The following DNAI3 variants were observed in gnomAD, a reference collection of about 807,000 sequenced individuals.
The protein encoded by DNAI3 is dynein axonemal intermediate chain 3, also known as WD repeat domain 63.
Under a neutral mutation model 115.5 loss-of-function variants are expected in DNAI3, and 83 were observed. That is an observed-to-expected ratio of 0.72 (90% CI 0.60 to 0.86). The LOEUF is 0.86. DNAI3 is among the 40% of genes least tolerant of loss of function. The pLI is 0.00. For missense variants in DNAI3, 1,004 were observed against 1,075.8 expected, an observed-to-expected ratio of 0.93 and a Z score of 0.93; for synonymous variants, 320 against 347.0, an observed-to-expected ratio of 0.92 and a Z score of 0.86.
intron 13 of DNAI3, among the ~76,000 whole-genome samples, chr1:85,100,443 G>C (rs550250609): frequency 3.3e-5 from 5 of 152,200 alleles, no homozygotes; most frequent in Non-Finnish European, 5.9e-5. Context: ...ACACCAGTTA[G>C]AATGGCGATC....
intron 22 of DNAI3, among the ~76,000 whole-genome samples, chr1:85,132,071 A>C (rs945196094): frequency 2.6e-5 from 4 of 152,186 alleles, no homozygotes; most frequent in Admixed American, 2.6e-4. Context: ...TACATTGAGA[A>C]CATAAAAAAA....
chr1:85,103,921 TA>T (rs1655405339), intron 13 of DNAI3, among the ~76,000 whole-genome samples: 2 of 147,298 alleles, frequency 1.4e-5, no homozygotes, highest in Non-Finnish European at 3.0e-5. Flanking sequence ...ATAATAATAA[TA>T]ATAATAATAA....
rs939509688 is a variant in DNAI3 at position 85,106,254 on chromosome 1, AATAG to A, written c.1553+1661_1553+1664del. Among the ~76,000 whole-genome samples the A allele has an allele frequency of 5.4e-4, 82 of 152,354 alleles. 1 individual carries two copies. Among genetic ancestry groups the A allele is most frequent in the African/African-American group, 1.8e-3 (75 of 41,586 alleles). The stretch of plus-strand genomic sequence containing the variant: ...AAAAGTGCAAGCAATGAAAGAAAAA[AATAG>A]ATAAATTGGACTTCATCAAAATTAA... On this transcript the variant is annotated intron_variant, in intron 14 of 22. Transcript: ENST00000294664.
intron 1 of DNAI3, among the ~76,000 whole-genome samples, chr1:85,062,768 C>G (rs1157704561): frequency 6.6e-6 from 1 of 151,224 alleles, no homozygotes; most frequent in Non-Finnish European, 1.5e-5. Flanking sequence ...TTGCCTAGTA[C>G]ATAGTAGGAA....
chr1:85,099,097 T>C (rs1427188589), intron 13 of DNAI3, among the ~76,000 whole-genome samples: 1 of 152,208 alleles, frequency 6.6e-6, no homozygotes, highest in Admixed American at 6.5e-5. Context: ...GGGTGAAAAC[T>C]AGTTGTGCAG....
intron 17 of DNAI3, among the ~76,000 whole-genome samples, chr1:85,118,679 G>A (rs960074717): frequency 1.3e-5 from 2 of 152,164 alleles, no homozygotes; most frequent in African/African-American, 4.8e-5. Flanking sequence ...AGCACTGGGT[G>A]CTGGGATCAG....
At chr1:85,126,816 G>A in intron 20 of DNAI3, 101 bp downstream of exon 20, 1 of 1,336,742 alleles carries the variant, frequency 7.5e-7, no homozygotes, top group Non-Finnish European at 1.0e-6. Flanking sequence ...TTAGTTTTTT[G>A]TTTTTCTTCC....
At chr1:85,109,240 T>G (rs1026959917) in intron 15 of DNAI3, among the ~76,000 whole-genome samples, 27 of 152,380 alleles carry the variant, frequency 1.8e-4, no homozygotes, top group African/African-American at 6.5e-4. Flanking sequence ...TTGATGGCTC[T>G]CTTTCTTTAG....
intron 13 of DNAI3, chr1:85,099,174 G>A: frequency 1.1e-6 from 1 of 874,160 alleles, no homozygotes. Context: ...ACACTTACTT[G>A]ACTATAACCT....
chr1:85,115,720 G>A (rs1306005132), intron 16 of DNAI3, among the ~76,000 whole-genome samples: 1 of 152,032 alleles, frequency 6.6e-6, no homozygotes, highest in Non-Finnish European at 1.5e-5. Flanking sequence ...GGGGGCAGGG[G>A]GGCAGGCATT....
intron 7 of DNAI3, among the ~76,000 whole-genome samples, chr1:85,087,285 A>C (rs1293161958): frequency 6.6e-6 from 1 of 151,746 alleles, no homozygotes; most frequent in Non-Finnish European, 1.5e-5. Flanking sequence ...AAAATACGCA[A>C]ATTAGCCAGG....
At chr1:85,064,041 TTTG>T (rs1331113374) in intron 1 of DNAI3, among the ~76,000 whole-genome samples, 1 of 152,202 alleles carries the variant, frequency 6.6e-6, no homozygotes, top group East Asian at 1.9e-4. Context: ...ACAGCTAGAT[TTTG>T]TTATTTAACG....
At chr1:85,097,525 G>C (rs199593067) in intron 11 of DNAI3, 44 bp from the exon 12 acceptor site, 86 of 1,535,588 alleles carry the variant, frequency 5.6e-5, no homozygotes, top group East Asian at 1.9e-4. Context: ...GACTCAATTA[G>C]ATATTTTCTG....
At chr1:85,064,580 ATGTTTGTTTGTT>A (rs369398116) in intron 1 of DNAI3, among the ~76,000 whole-genome samples, 5 of 151,962 alleles carry the variant, frequency 3.3e-5, no homozygotes, top group African/African-American at 7.3e-5. Flanking sequence ...TTCTAAATCA[ATGTTTGTTTGTT>A]TGTTTGTTTG....
Position 85,124,156 on chromosome 1 carries a change from G to A in DNAI3, c.2017G>A (p.Gly673Arg), listed in dbSNP as rs778562079. ...KPVSHHTIHD[G>R]TVHTIQRSPF... ...AGTGAGCCACCACACCATTCACGAC[G>A]GAACTGTCCACACTATTCAGAGATC... The change falls in exon 19 of 23, where the codon GGA becomes AGA. Residue 673 changes from glycine (G) to arginine (R), a missense_variant. This residue lies in a region of DNAI3 where 429 missense variants were observed against 454.3 expected (regional missense o/e 0.94). Coordinates refer to ENST00000294664, the MANE Select transcript of DNAI3 (RefSeq NM_145172.5). 7 of 1,614,116 alleles carry A rather than the reference G, an allele frequency of 4.3e-6. No individual in the cohort carries two copies. Among genetic ancestry groups the A allele is most frequent in the South Asian group, 2.2e-5 (2 of 91,078 alleles).
chr1:85,121,145 C>T (rs1017467001), intron 17 of DNAI3, among the ~76,000 whole-genome samples: 1 of 152,192 alleles, frequency 6.6e-6, no homozygotes, highest in Non-Finnish European at 1.5e-5. Context: ...TGTAATTCAT[C>T]GGTTCTCTCT....
chr1:85,103,374 A>T (rs991188752), intron 13 of DNAI3, among the ~76,000 whole-genome samples: 1 of 152,090 alleles, frequency 6.6e-6, no homozygotes, highest in Non-Finnish European at 1.5e-5. Context: ...TATGCCCGTG[A>T]TTACAAAAAG....
At chr1:85,106,228 C>G (rs926756241) in intron 14 of DNAI3, among the ~76,000 whole-genome samples, 1 of 151,878 alleles carries the variant, frequency 6.6e-6, no homozygotes, top group African/African-American at 2.4e-5. Flanking sequence ...GATGAAACAC[C>G]AAAAGTGCAA....
intron 11 of DNAI3, among the ~76,000 whole-genome samples, chr1:85,096,238 A>T (rs904637749): frequency 2.6e-5 from 4 of 152,126 alleles, no homozygotes; most frequent in African/African-American, 9.7e-5. Context: ...TCAAAACTGA[A>T]ACAGAATTGG....
Sources: allele counts gnomAD v4.1 joint callset (sites outside exome capture counted in the v4.1 genomes callset), GRCh38; gene constraint gnomAD v4.1.1; regional missense constraint gnomAD v4.1.1; transcripts MANE v1.5; gene names NCBI Gene and HGNC (gene_info 2026-07-23, HGNC 2026-07-21).